The following CAPS2 variants were observed in gnomAD, a reference collection of about 807,000 sequenced individuals.
CAPS2 encodes calcyphosine 2, also known as calcyphosin-2.
Under a neutral mutation model 86.5 loss-of-function variants are expected in CAPS2, and 98 were observed. The ratio of observed to expected loss-of-function variants is 1.13; its 90% confidence interval spans 0.96 to 1.34. The LOEUF (loss-of-function observed/expected upper bound fraction) is 1.34. Ranked by LOEUF, CAPS2 falls within the 40% of genes most tolerant of loss-of-function variation. The probability of loss-of-function intolerance (pLI) is 0.00; values close to 1 mark genes in which losing one functional copy is unlikely to be tolerated. For missense variants in CAPS2, 729 were observed against 686.8 expected (o/e 1.06, Z -0.69); for synonymous variants, 210 against 225.1 (o/e 0.93, Z 0.60).
chr12:75,298,647 C>T (rs756275728), intron 11 of CAPS2, 40 bp downstream of exon 11: 1 of 1,508,982 alleles, frequency 6.6e-7, no homozygotes, highest in East Asian at 2.3e-5. Flanking sequence ...CAAAATCCAC[C>T]ATCTGGTATT....
chr12:75,348,365 T>C lies in CAPS2; in HGVS notation c.-394-25143A>G, dbSNP rs1254506485. On this transcript the variant is annotated intron_variant, in intron 1 of 5. Transcript: ENST00000551829. ...AAACTGATGAAAAGGAGCTGAGATA[T>C]GCCAAAAGTACTAGAGAGAGGCAGA... 5.9e-5 allele frequency among the ~76,000 whole-genome samples: 9 copies of C among 152,218 alleles called. 1 individual carries two copies. The highest frequency in any genetic ancestry group is 1.3e-4 in the Non-Finnish European group (9 of 68,034).
chr12:75,327,719 A>G (rs1056231557), upstream of CAPS2, among the ~76,000 whole-genome samples: 1 of 151,468 alleles, frequency 6.6e-6, no homozygotes, highest in African/African-American at 2.4e-5. Context: ...GTAATATGTA[A>G]AATGAATTTA....
upstream of CAPS2, among the ~76,000 whole-genome samples, chr12:75,330,391 A>G (rs1461563036): frequency 6.6e-6 from 1 of 152,248 alleles, no homozygotes; most frequent in Non-Finnish European, 1.5e-5. Flanking sequence ...TCTCCTGAGC[A>G]GGGAAAGGGC....
intron 1 of CAPS2, among the ~76,000 whole-genome samples, chr12:75,342,685 C>A (rs1419930063): frequency 6.6e-6 from 1 of 152,094 alleles, no homozygotes; most frequent in African/African-American, 2.4e-5. Context: ...CATTGCATTT[C>A]CACATAAATT....
intron 1 of CAPS2, among the ~76,000 whole-genome samples, chr12:75,366,472 A>G (rs1228550234): frequency 6.6e-6 from 1 of 152,148 alleles, no homozygotes; most frequent in Non-Finnish European, 1.5e-5. Context: ...CTATTAGCTT[A>G]AAATGTGCAA....
upstream of CAPS2, among the ~76,000 whole-genome samples, chr12:75,331,364 T>G (rs576801517): frequency 6.6e-6 from 1 of 152,322 alleles, no homozygotes; most frequent in African/African-American, 2.4e-5. Context: ...TTTCCAGTAT[T>G]TCCTGGTGCA....
At chr12:75,367,547 A>C (rs1408760023) in intron 1 of CAPS2, among the ~76,000 whole-genome samples, 2 of 151,938 alleles carry the variant, frequency 1.3e-5, no homozygotes, top group Non-Finnish European at 2.9e-5. Flanking sequence ...TGCACATCAA[A>C]TTATATTCTT....
intron 11 of CAPS2, among the ~76,000 whole-genome samples, chr12:75,297,204 AT>A (rs1302159106): frequency 2.0e-5 from 3 of 152,320 alleles, no homozygotes; most frequent in East Asian, 1.9e-4. Flanking sequence ...ACTACACTAA[AT>A]TTTTGGAGAT....
chr12:75,301,915 T>G (rs2037866024), intron 8 of CAPS2, among the ~76,000 whole-genome samples: 1 of 152,176 alleles, frequency 6.6e-6, no homozygotes, highest in African/African-American at 2.4e-5. Context: ...TCAGAAAGAC[T>G]GAAGATTAAA....
At chr12:75,280,214 A>G (rs2033674097) in intron 16 of CAPS2, among the ~76,000 whole-genome samples, 3 of 151,948 alleles carry the variant, frequency 2.0e-5, no homozygotes, top group Admixed American at 2.0e-4. Context: ...AGTTAAAATT[A>G]AATTGTATGT....
chr12:75,320,970 C>T (rs1565899976), intron 5 of CAPS2, among the ~76,000 whole-genome samples: 1 of 151,886 alleles, frequency 6.6e-6, no homozygotes, highest in Non-Finnish European at 1.5e-5. Flanking sequence ...AGACAAAAGA[C>T]AGTAATGAAG....
At chr12:75,366,452 T>C (rs1340106661) in intron 1 of CAPS2, among the ~76,000 whole-genome samples, 2 of 152,146 alleles carry the variant, frequency 1.3e-5, no homozygotes, top group African/African-American at 2.4e-5. Flanking sequence ...TTTTCTTTGA[T>C]GTAATTTGCC....
intron 14 of CAPS2, among the ~76,000 whole-genome samples, chr12:75,286,487 C>T (rs189366257): frequency 6.6e-5 from 10 of 151,564 alleles, no homozygotes; most frequent in Admixed American, 6.6e-4. Context: ...TTGTCAACAA[C>T]AAGAAATACA....
intron 6 of CAPS2, 140 bp downstream of exon 6, chr12:75,316,172 G>T: frequency 9.9e-7 from 1 of 1,009,180 alleles, no homozygotes; most frequent in Non-Finnish European, 1.4e-6. Context: ...ATAAAAATGA[G>T]GACTCAATTT....
intron 11 of CAPS2, chr12:75,295,257 T>C (rs527278617): frequency 9.8e-5 from 15 of 152,378 alleles, no homozygotes; most frequent in African/African-American, 3.6e-4. Context: ...TATTTACCTA[T>C]ACTTCAAATT....
intron 1 of CAPS2, 135 bp downstream of exon 2, chr12:75,326,283 G>C (rs2040775039): frequency 2.4e-6 from 1 of 423,222 alleles, no homozygotes; most frequent in African/African-American, 2.0e-5. Flanking sequence ...CAATTTTGGT[G>C]GTTCCATTCT....
At chr12:75,387,802 T>G (rs548039759) in intron 1 of CAPS2, among the ~76,000 whole-genome samples, 2 of 152,320 alleles carry the variant, frequency 1.3e-5, no homozygotes, top group Middle Eastern at 6.8e-3. Context: ...TCTTAAAGGC[T>G]CCACCTTTCA....
At chr12:75,277,340 T>A (rs2033108466) in exon 17 of CAPS2, 1 of 970,460 alleles carries the variant, frequency 1.0e-6, no homozygotes, top group Non-Finnish European at 1.2e-6. Context: ...AAACACTATA[T>A]GCATATTGAG....
chr12:75,364,807 T>C (rs1017862074), intron 1 of CAPS2: 1 of 152,160 alleles, frequency 6.6e-6, no homozygotes, highest in African/African-American at 2.4e-5. Context: ...CCAAGGTGTC[T>C]GATAAAAATT....
Sources: allele counts gnomAD v4.1 joint callset (sites outside exome capture counted in the v4.1 genomes callset), GRCh38; gene constraint gnomAD v4.1.1; transcripts MANE v1.5; gene names NCBI Gene and HGNC (gene_info 2026-07-23, HGNC 2026-07-21).